Variants in MYH14 observed in about 807,000 individuals in gnomAD.
The protein encoded by MYH14 is myosin heavy chain 14, also known as myosin-14.
A neutral mutation model predicts 255.5 loss-of-function variants in MYH14; 123 were observed. That is an observed-to-expected ratio of 0.48 (90% CI 0.42 to 0.56). The LOEUF is 0.56. Ranked by LOEUF, MYH14 falls within the 20% of genes least tolerant of loss-of-function variation. The probability of loss-of-function intolerance (pLI) is 0.00; values close to 1 mark genes in which losing one functional copy is unlikely to be tolerated. For synonymous variants in MYH14, 1,095 were observed against 1,161.2 expected (o/e 0.94, Z 1.16); for missense variants, 2,423 against 2,802.3 (o/e 0.86, Z 3.06).
intron 27 of MYH14, among the ~76,000 whole-genome samples, chr19:50,275,742 C>G (rs1310699164): frequency 6.6e-6 from 1 of 152,194 alleles, no homozygotes; most frequent in East Asian, 1.9e-4. Context: ...AGGAGGATCA[C>G]TTGAGCCCAG....
chr19:50,214,150 C>T (rs1473417727), intron 2 of MYH14, among the ~76,000 whole-genome samples: 2 of 152,184 alleles, frequency 1.3e-5, no homozygotes, highest in Non-Finnish European at 2.9e-5. Flanking sequence ...AAACCCTCTG[C>T]ATGCCACATG....
Position 50,309,148 on chromosome 19 carries a change from T to C in MYH14, c.5931T>C (p.Arg1977=). ...CAGAGTCGGCCGAGTCCATGAACCG[T>C]GAAGTGACCACACTGAGGAACCGGC... ...DVTESAESMN[R]EVTTLRNRLR... is the part of the protein sequence containing the mutation. Residue 1977 remains arginine (R), a synonymous_variant, in exon 42 of 43, where the codon CGT becomes CGC. Transcript: ENST00000642316. 3 of 1,613,740 alleles carry C rather than the reference T, an allele frequency of 1.9e-6. No homozygotes were observed. The highest frequency in any genetic ancestry group is 2.5e-6 in the Non-Finnish European group (3 of 1,179,812).
intron 3 of MYH14, among the ~76,000 whole-genome samples, chr19:50,219,691 G>A (rs1022599781): frequency 3.3e-5 from 5 of 151,646 alleles, no homozygotes; most frequent in Non-Finnish European, 1.5e-5. Context: ...GTGTACAGCT[G>A]AGCAGGTTGT....
At chr19:50,283,334 G>T (rs1304018178) in intron 33 of MYH14, among the ~76,000 whole-genome samples, 2 of 152,128 alleles carry the variant, frequency 1.3e-5, no homozygotes, top group African/African-American at 4.8e-5. Flanking sequence ...TGGCAAGGCT[G>T]GTCTCGAACT....
At chr19:50,273,222 C>G (rs2123395750) in intron 27 of MYH14, among the ~76,000 whole-genome samples, 1 of 134,512 alleles carries the variant, frequency 7.4e-6, no homozygotes, top group East Asian at 2.3e-4. Flanking sequence ...ACCCAGGAGG[C>G]AGAGGTTGCA....
At chr19:50,309,439 G>A in intron 42 of MYH14, 1 of 617,088 alleles carries the variant, frequency 1.6e-6, no homozygotes, top group Non-Finnish European at 2.9e-6. Context: ...CTCTCTGTGT[G>A]TCCTTCATCT....
Position 50,292,390 on chromosome 19 carries a change from G to T in MYH14, c.5256+1G>T. 1 of 1,578,094 alleles carries T rather than the reference G, an allele frequency of 6.3e-7. No individual in the cohort carries two copies. The highest frequency in any genetic ancestry group is 8.6e-7 in the Non-Finnish European group (1 of 1,162,952). ...GGCTGAGGTGCTGCGGCTGCAGGAG[G>T]TGAGGCTGGGGTAGGCTGGGCCCTG... On this transcript the variant is annotated splice_donor_variant, in intron 37 of 42. Coordinates refer to ENST00000642316, the MANE Select transcript of MYH14 (RefSeq NM_001145809.2). LOFTEE classifies it high-confidence loss of function.
chr19:50,301,969 A>G (rs142689305), intron 40 of MYH14, 100 bp downstream of exon 40: 17,627 of 956,470 alleles, frequency 0.018, 225 homozygotes, highest in Non-Finnish European at 0.022. Flanking sequence ...GAAACATCCA[A>G]AAGACATCAT....
At chr19:50,303,618 C>A (rs188101632) in intron 40 of MYH14, among the ~76,000 whole-genome samples, 8 of 149,126 alleles carry the variant, frequency 5.4e-5, no homozygotes, top group East Asian at 1.9e-4. Context: ...AGAACTGGGA[C>A]CATCTGTTGT....
intron 37 of MYH14, 48 bp downstream of exon 37, chr19:50,292,437 G>A (rs1456118379): frequency 1.3e-6 from 2 of 1,510,618 alleles, no homozygotes; most frequent in African/African-American, 1.4e-5. Context: ...TGGGAGGTGG[G>A]CAAGGCTAAC....
chr19:50,254,073 T>A (rs1311549803), intron 16 of MYH14, among the ~76,000 whole-genome samples: 1 of 151,864 alleles, frequency 6.6e-6, no homozygotes, highest in Admixed American at 6.6e-5. Flanking sequence ...CAAAATTAGC[T>A]GGGCGTGGTG....
intron 2 of MYH14, among the ~76,000 whole-genome samples, chr19:50,217,303 G>A (rs1033355267): frequency 3.3e-5 from 5 of 152,092 alleles, no homozygotes; most frequent in Admixed American, 2.0e-4. Context: ...CGGTCACCTC[G>A]CACATGGTCA....
chr19:50,224,903 A>G (rs2033018452), intron 6 of MYH14: 1 of 454,826 alleles, frequency 2.2e-6, no homozygotes, highest in Non-Finnish European at 4.4e-6. Context: ...CCAGGAGTTC[A>G]AGACCAGGCT....
chr19:50,278,772 C>T (rs2035603784), intron 30 of MYH14, among the ~76,000 whole-genome samples: 1 of 145,956 alleles, frequency 6.9e-6, no homozygotes, highest in Non-Finnish European at 1.5e-5. Flanking sequence ...GTCAGAAGTT[C>T]GAGACCGGCC....
intron 27 of MYH14, among the ~76,000 whole-genome samples, chr19:50,273,184 A>C (rs1289218565): frequency 6.7e-6 from 1 of 150,050 alleles, no homozygotes; most frequent in Non-Finnish European, 1.5e-5. Context: ...CCAGCTACTC[A>C]GGAGACTTAA....
At chr19:50,263,928 G>T (rs1600976209) in intron 22 of MYH14, among the ~76,000 whole-genome samples, 1 of 151,838 alleles carries the variant, frequency 6.6e-6, no homozygotes, top group Non-Finnish European at 1.5e-5. Flanking sequence ...ATGGTGGCAG[G>T]TGCCTGTAGT....
intron 13 of MYH14, 104 bp downstream of exon 13, chr19:50,249,243 T>TCC (rs2034258727): frequency 7.6e-7 from 1 of 1,320,918 alleles, no homozygotes; most frequent in East Asian, 2.5e-5. Flanking sequence ...TGTCCCCCTC[T>TCC]CTCTCTCTGA....
At chr19:50,294,734 C>T (rs2036204864) in intron 39 of MYH14, among the ~76,000 whole-genome samples, 2 of 76,946 alleles carry the variant, frequency 2.6e-5, no homozygotes, top group Admixed American at 1.8e-4. Context: ...GAGACCCTGT[C>T]TCAAAAAAAA....
At chr19:50,274,932 CAAA>C (rs1206238409) in intron 27 of MYH14, among the ~76,000 whole-genome samples, 14 of 115,756 alleles carry the variant, frequency 1.2e-4, no homozygotes, top group African/African-American at 9.8e-5. Flanking sequence ...CCCTCTCTCT[CAAA>C]AAAAAAAAAA....
Sources: allele counts gnomAD v4.1 joint callset (sites outside exome capture counted in the v4.1 genomes callset), GRCh38; gene constraint gnomAD v4.1.1; transcripts MANE v1.5; gene names NCBI Gene and HGNC (gene_info 2026-07-23, HGNC 2026-07-21).